WDPCP: variants seen among roughly 807,000 people sequenced by gnomAD.
WDPCP encodes the protein WD repeat containing planar cell polarity effector, also known as WD repeat-containing and planar cell polarity effector protein fritz homolog.
A neutral mutation model predicts 93.1 loss-of-function variants in WDPCP; 71 were observed. The ratio of observed to expected loss-of-function variants is 0.76; its 90% CI spans 0.63 to 0.93. The LOEUF is 0.93. Among genes scored for constraint, WDPCP ranks in the 40% least tolerant of loss-of-function variants. WDPCP has a pLI of 0.00. For synonymous variants in WDPCP, 315 were observed against 315.0 expected (o/e 1.00, Z 0.00); for missense variants, 844 against 887.4 (o/e 0.95, Z 0.62).
At chr2:63,832,850 T>C in the WDPCP span, among the ~76,000 whole-genome samples, 4 of 152,204 alleles carry the variant, frequency 2.6e-5, no homozygotes, top group Non-Finnish European at 5.9e-5. Flanking sequence ...TAAGTTATAA[T>C]AGTAAATCAA....
chr2:63,376,784 T>A (rs1310207544), intron 12 of WDPCP, among the ~76,000 whole-genome samples: 1 of 151,966 alleles, frequency 6.6e-6, no homozygotes, highest in Non-Finnish European at 1.5e-5. Context: ...GTCATTCAGA[T>A]GAAAAGGCAA....
intron 1 of WDPCP, among the ~76,000 whole-genome samples, chr2:63,513,333 G>A (rs942653117): frequency 1.3e-5 from 2 of 152,034 alleles, no homozygotes; most frequent in African/African-American, 4.8e-5. Context: ...CAAAAATGGT[G>A]GCATAACCAT....
intron 2 of WDPCP, among the ~76,000 whole-genome samples, chr2:63,703,670 G>C (rs111866251): frequency 6.6e-6 from 1 of 151,908 alleles, no homozygotes; most frequent in African/African-American, 2.4e-5. Flanking sequence ...TCTCTGTTTT[G>C]GTACCAGTAC....
At chr2:63,128,250 G>A (rs2153397922) in intron 17 of WDPCP, among the ~76,000 whole-genome samples, 1 of 152,266 alleles carries the variant, frequency 6.6e-6, no homozygotes. Flanking sequence ...TTGACTATGA[G>A]CAAAGTCAGT....
rs527637150 is a variant in WDPCP at position 63,566,472 on chromosome 2, T to C, written c.75+21725A>G. ...TTGATGTCTCATGTCTCCCTAAATG[T>C]GTAAAACTAAGCTGTGCTGTGACCA... is the stretch of plus-strand genomic sequence containing the variant. On this transcript the variant is annotated intron_variant, in intron 1 of 17. Coordinates refer to ENST00000272321, the MANE Select transcript of WDPCP (RefSeq NM_015910.7). Among the ~76,000 whole-genome samples the C allele has an allele frequency of 8.4e-4, 128 of 152,334 alleles. 1 individual carries two copies. Among genetic ancestry groups the C allele is most frequent in the African/African-American group, 2.9e-3 (121 of 41,582 alleles).
chr2:63,500,454 G>GGGGTGTGTGTGTGT (rs1553412905), intron 1 of WDPCP, among the ~76,000 whole-genome samples: 2 of 149,580 alleles, frequency 1.3e-5, no homozygotes, highest in East Asian at 2.0e-4. Flanking sequence ...ATGGTGTGGG[G>GGGGTGTGTGTGTGT]GTGTGTGTGT....
chr2:63,807,691 G>A (rs893535871), intron 2 of WDPCP, among the ~76,000 whole-genome samples: 5 of 152,216 alleles, frequency 3.3e-5, no homozygotes, highest in Admixed American at 2.6e-4. Flanking sequence ...CTATAAGTAT[G>A]TTTTCCTCTT....
chr2:63,333,662 C>G (rs1350616741), intron 12 of WDPCP, among the ~76,000 whole-genome samples: 1 of 152,182 alleles, frequency 6.6e-6, no homozygotes, highest in African/African-American at 2.4e-5. Context: ...GAAGCCCCTG[C>G]TTTGAGTTGT....
At chr2:63,229,303 A>G (rs976219678) in intron 14 of WDPCP, 15 of 151,600 alleles carry the variant, frequency 9.9e-5, no homozygotes, top group African/African-American at 3.2e-4. Flanking sequence ...TTGTAAATTT[A>G]TTTGAGTTCT....
chr2:63,777,200 A>G (rs1670317007), intron 2 of WDPCP, among the ~76,000 whole-genome samples: 1 of 152,192 alleles, frequency 6.6e-6, no homozygotes, highest in South Asian at 2.1e-4. Context: ...TATAATTATT[A>G]TGTGTCCATT....
At chr2:63,219,437 G>A (rs1439228558) in intron 14 of WDPCP, among the ~76,000 whole-genome samples, 2 of 152,064 alleles carry the variant, frequency 1.3e-5, no homozygotes, top group South Asian at 4.1e-4. Context: ...GCTTTTAAAA[G>A]GCCATGCAAC....
chr2:63,582,028 T>C (rs541930101), intron 1 of WDPCP, among the ~76,000 whole-genome samples: 1 of 149,958 alleles, frequency 6.7e-6, no homozygotes, highest in Admixed American at 6.6e-5. Context: ...ATATTCGCAA[T>C]CTGACATTTA....
intron 1 of WDPCP, among the ~76,000 whole-genome samples, chr2:63,512,720 C>T (rs544039506): frequency 3.0e-4 from 46 of 151,992 alleles, no homozygotes; most frequent in Admixed American, 8.5e-4. Flanking sequence ...GGGAGGGGAA[C>T]GTCACACACT....
At chr2:63,800,667 C>T (rs1332115046) in intron 2 of WDPCP, among the ~76,000 whole-genome samples, 3 of 152,132 alleles carry the variant, frequency 2.0e-5, no homozygotes, top group African/African-American at 4.8e-5. Context: ...AAAATAAATG[C>T]TCAACATTTA....
chr2:63,180,511 G>T (rs1423355002), intron 14 of WDPCP, among the ~76,000 whole-genome samples: 1 of 151,982 alleles, frequency 6.6e-6, no homozygotes, highest in African/African-American at 2.4e-5. Context: ...TGCAAAAGAT[G>T]ATTTTATTCT....
chr2:63,643,225 T>A (rs1375230286), intron 3 of WDPCP: 1 of 235,162 alleles, frequency 4.3e-6, no homozygotes, highest in Non-Finnish European at 8.5e-6. Context: ...TTATCTTTAA[T>A]TAAGTACAAA....
intron 1 of WDPCP, among the ~76,000 whole-genome samples, chr2:63,583,768 T>G (rs1243358570): frequency 6.6e-6 from 1 of 152,074 alleles, no homozygotes; most frequent in Non-Finnish European, 1.5e-5. Flanking sequence ...TCTCTCAAAT[T>G]TGTTGTTCAA....
intron 14 of WDPCP, among the ~76,000 whole-genome samples, chr2:63,257,307 A>G (rs1195780926): frequency 6.6e-6 from 1 of 152,170 alleles, no homozygotes; most frequent in African/African-American, 2.4e-5. Flanking sequence ...GGATAAGTTT[A>G]AGAGAATAAT....
intron 9 of WDPCP, among the ~76,000 whole-genome samples, chr2:63,405,216 T>C (rs1203272874): frequency 6.6e-6 from 1 of 152,124 alleles, no homozygotes; most frequent in Admixed American, 6.6e-5. Flanking sequence ...TTTAGAAACC[T>C]GTTAACAATC....
Sources: gnomAD v4.1 joint callset for allele counts (sites outside exome capture counted in the v4.1 genomes callset) on GRCh38, gnomAD v4.1.1 for gene constraint, MANE v1.5 for transcripts, NCBI Gene and HGNC (gene_info 2026-07-23, HGNC 2026-07-21) for gene names.